The following RAP1B variants were observed in gnomAD, a reference collection of about 807,000 sequenced individuals.
The protein encoded by RAP1B is ras-related protein Rap-1b.
RAP1B carries 1 observed loss-of-function variant against 27.5 expected under a neutral mutation model. The observed-to-expected ratio is 0.04, with a 90% confidence interval of 0.01 to 0.17. The LOEUF (loss-of-function observed/expected upper bound fraction) is 0.17. Ranked by LOEUF, RAP1B falls within the 10% of genes least tolerant of loss-of-function variation. The pLI, the probability that RAP1B is intolerant of heterozygous loss-of-function variation, is 1.00. For missense variants in RAP1B, 84 were observed against 214.8 expected, an observed-to-expected ratio of 0.39 and a Z score of 3.81; for synonymous variants, 75 against 73.1, an observed-to-expected ratio of 1.03 and a Z score of -0.13.
chr12:68,660,361 C>T lies in RAP1B; in HGVS notation c.*1112C>T, dbSNP rs1162827009. On this transcript the variant is annotated 3_prime_UTR_variant, in exon 8 of 8. Transcript: ENST00000250559. ...TGGATGTAAAGATTGTGTGTCTATCCAACAGGGAGCCACAGTATTTAAATT... is the reference window on the plus strand; with the variant it reads ...TGGATGTAAAGATTGTGTGTCTATCTAACAGGGAGCCACAGTATTTAAATT... The T allele has an allele frequency of 1.3e-5, 2 of 149,210 alleles. No homozygotes were observed. Among genetic ancestry groups the T allele is most frequent in the Non-Finnish European group, 3.0e-5 (2 of 67,254 alleles). The allele number at this position is 149,210 out of a possible 1,614,324, so 9.2% of individuals were successfully genotyped here.
chr12:68,627,441 T>G, intron 1 of RAP1B: 1 of 410,470 alleles, frequency 2.4e-6, no homozygotes, highest in Non-Finnish European at 4.6e-6. Flanking sequence ...TTACTAATAA[T>G]AGTGTTAGGA....
chr12:68,629,209 G>C (rs1872054956), intron 1 of RAP1B, among the ~76,000 whole-genome samples: 1 of 152,098 alleles, frequency 6.6e-6, no homozygotes, highest in Admixed American at 6.6e-5. Flanking sequence ...GAACTCCTGA[G>C]CTCAAGCCAT....
At chr12:68,643,168 TAGTCAG>T (rs1873146460) in intron 1 of RAP1B, among the ~76,000 whole-genome samples, 1 of 152,226 alleles carries the variant, frequency 6.6e-6, no homozygotes, top group African/African-American at 2.4e-5. Flanking sequence ...TACCTTCTAA[TAGTCAG>T]AACTCTTAAT....
At chr12:68,637,599 CAAAAAAAAAAAAAAA>C (rs58656248) in intron 1 of RAP1B, among the ~76,000 whole-genome samples, 11 of 34,256 alleles carry the variant, frequency 3.2e-4, no homozygotes, top group African/African-American at 5.7e-4. Context: ...AACTCCATCT[CAAAAAAAAAAAAAAA>C]AAAAAAAAAA....
At chr12:68,640,659 G>C (rs757569510) in intron 1 of RAP1B, among the ~76,000 whole-genome samples, 3 of 152,076 alleles carry the variant, frequency 2.0e-5, no homozygotes, top group Non-Finnish European at 4.4e-5. Context: ...TTGTCATTTT[G>C]TTACGCTTTT....
intron 1 of RAP1B, among the ~76,000 whole-genome samples, chr12:68,625,899 C>T (rs77910441): frequency 0.017 from 2,521 of 149,490 alleles, 32 homozygotes; most frequent in Non-Finnish European, 0.026. Context: ...TCCAGTCTGG[C>T]GATAGAGCGA....
intron 1 of RAP1B, among the ~76,000 whole-genome samples, chr12:68,633,599 G>A (rs1268585351): frequency 2.6e-5 from 4 of 152,130 alleles, no homozygotes; most frequent in African/African-American, 4.8e-5. Context: ...GGCTGGGTGC[G>A]GTGGCTCAAG....
chr12:68,630,588 C>T (rs1254805561), intron 1 of RAP1B, among the ~76,000 whole-genome samples: 2 of 152,070 alleles, frequency 1.3e-5, no homozygotes, highest in African/African-American at 2.4e-5. Flanking sequence ...AATCATTACA[C>T]GTAGGCCCCA....
chr12:68,637,524 G>A (rs1349292766), intron 1 of RAP1B, among the ~76,000 whole-genome samples: 1 of 148,704 alleles, frequency 6.7e-6, no homozygotes, highest in Non-Finnish European at 1.5e-5. Flanking sequence ...TTGAACCAGG[G>A]AGGCTGAGGT....
intron 1 of RAP1B, among the ~76,000 whole-genome samples, chr12:68,625,512 G>A (rs1168218867): frequency 1.3e-5 from 2 of 152,196 alleles, no homozygotes; most frequent in Non-Finnish European, 2.9e-5. Flanking sequence ...CTTCTGGCAG[G>A]TTTACTGGGG....
At chr12:68,622,883 G>A (rs1871482014) in intron 1 of RAP1B, among the ~76,000 whole-genome samples, 1 of 152,096 alleles carries the variant, frequency 6.6e-6, no homozygotes, top group African/African-American at 2.4e-5. Context: ...CACTCTTTTG[G>A]TAGTGGCCTG....
chr12:68,656,558 G>T, intron 6 of RAP1B, 109 bp downstream of exon 6: 4 of 1,057,068 alleles, frequency 3.8e-6, no homozygotes, highest in Non-Finnish European at 4.2e-6. Context: ...ATATGTTGAT[G>T]TTACAGGCAA....
intron 5 of RAP1B, among the ~76,000 whole-genome samples, 170 bp downstream of exon 5, chr12:68,654,422 T>C (rs886270812): frequency 6.6e-6 from 1 of 151,544 alleles, no homozygotes; most frequent in Non-Finnish European, 1.5e-5. Context: ...TTTTCAAATA[T>C]ATATCATGTG....
chr12:68,650,520 A>T, intron 3 of RAP1B, 52 bp downstream of exon 3: 1 of 1,299,550 alleles, frequency 7.7e-7, no homozygotes, highest in Non-Finnish European at 1.0e-6. Context: ...ATAAATACTT[A>T]TTTTAGCTTT....
chr12:68,663,289 C>T lies in RAP1B; in HGVS notation c.*4040C>T, dbSNP rs1315642182. On this transcript the variant is annotated 3_prime_UTR_variant, in exon 8 of 8. Transcript: ENST00000250559. ...ATGTTGGTTAGGCTGGTTTCGAACT[C>T]CCGACCCAGGTGATCCGCCTGCGTC... 6.6e-6 allele frequency: 1 copy of T among 152,118 alleles called. No individual in the cohort carries two copies. Among genetic ancestry groups the T allele is most frequent in the Non-Finnish European group, 1.5e-5 (1 of 68,052 alleles). The allele number at this position is 152,118 out of a possible 1,614,324, so 9.4% of individuals were successfully genotyped here.
chr12:68,645,227 C>A (rs983836526), intron 1 of RAP1B, among the ~76,000 whole-genome samples: 3 of 152,150 alleles, frequency 2.0e-5, no homozygotes, highest in Non-Finnish European at 2.9e-5. Flanking sequence ...CTGTTACTAT[C>A]TTAATTTTAC....
chr12:68,648,667 T>A (rs548118636), intron 1 of RAP1B, 32 bp from the exon 2 acceptor site: 283 of 1,484,916 alleles, frequency 1.9e-4, no homozygotes, highest in Non-Finnish European at 2.3e-4. Context: ...CAACTTTACT[T>A]AGAATTCTTT....
In RAP1B at chr12:68,663,748, C is replaced by G. The variant is rs1212936998; in HGVS notation, c.*4499C>G. ...AGGCATATCTACCTGATTTTTGTAT[C>G]TGAGAATCAATAAATGCATTCAGTA... On this transcript the variant is annotated 3_prime_UTR_variant, in exon 8 of 8. Transcript: ENST00000250559. The G allele has an allele frequency of 6.6e-6, 1 of 152,148 alleles. No individual in the cohort carries two copies. Among genetic ancestry groups the G allele is most frequent in the Non-Finnish European group, 1.5e-5 (1 of 68,030 alleles). 9.4% of individuals were successfully genotyped at this position (152,148 alleles called of 1,614,324 possible). A position where few individuals can be genotyped will look rare whatever the true frequency, so the allele number is the denominator to read the frequency against.
intron 1 of RAP1B, among the ~76,000 whole-genome samples, chr12:68,625,393 G>A (rs1871682516): frequency 6.6e-6 from 1 of 152,186 alleles, no homozygotes; most frequent in East Asian, 1.9e-4. Flanking sequence ...GCGTAAGCAG[G>A]TAGTATAAAT....
Sources: gnomAD v4.1 joint callset for allele counts (sites outside exome capture counted in the v4.1 genomes callset) on GRCh38, gnomAD v4.1.1 for gene constraint, MANE v1.5 for transcripts, NCBI Gene and HGNC (gene_info 2026-07-23, HGNC 2026-07-21) for gene names.